FAAP20: variants seen among roughly 807,000 people sequenced by gnomAD.
The protein encoded by FAAP20 is Fanconi anemia core complex-associated protein 20.
In FAAP20, 12 loss-of-function variants were observed where a neutral mutation model predicts 16.2. The ratio of observed to expected loss-of-function variants is 0.74; its 90% CI spans 0.48 to 1.20. FAAP20 has a LOEUF of 1.20. Ranked by LOEUF, FAAP20 falls within the 50% of genes most tolerant of loss-of-function variation. The pLI, the probability that FAAP20 is intolerant of heterozygous loss-of-function variation, is 0.00. For synonymous variants in FAAP20, 141 were observed against 110.7 expected (o/e 1.27, Z -1.72); for missense variants, 288 against 245.8 (o/e 1.17, Z -1.15).
downstream of FAAP20, chr1:2,187,303 CT>C (rs1025009836): frequency 1.1e-3 from 358 of 339,982 alleles, no homozygotes; most frequent in Middle Eastern, 1.7e-3. Context: ...TTTTCTTTTT[CT>C]TTTTTTTTTC....
upstream of FAAP20, chr1:2,203,563 C>T (rs942947102): frequency 3.7e-5 from 36 of 986,120 alleles, no homozygotes; most frequent in Middle Eastern, 5.2e-4. Context: ...GTGCCCCTCA[C>T]CTGGGGTGGA....
At chr1:2,192,054 A>G (rs1224051645) in intron 3 of FAAP20, 2 of 985,432 alleles carry the variant, frequency 2.0e-6, no homozygotes, top group Non-Finnish European at 2.4e-6. Flanking sequence ...CGCCTCTGCC[A>G]GGGCTCCAGG....
At chr1:2,203,629 G>A, upstream of FAAP20, 1 of 986,098 alleles carries the variant, frequency 1.0e-6, no homozygotes, top group Non-Finnish European at 1.2e-6. Flanking sequence ...TGCGTCTGGG[G>A]CCTGAGCGGA....
At chr1:2,184,557 G>A (rs751681990), downstream of FAAP20, 7 of 1,595,286 alleles carry the variant, frequency 4.4e-6, no homozygotes, top group South Asian at 6.7e-5. Context: ...GCGCGGAGCT[G>A]ACCCTTCTCC....
chr1:2,199,761 A>T (rs560177183), upstream of FAAP20: 24 of 465,452 alleles, frequency 5.2e-5, no homozygotes, highest in Admixed American at 1.9e-4. The surrounding 1 kb of genome is among the most constrained non-coding windows in gnomAD (Gnocchi z 4.5). Flanking sequence ...CCCTGAATGC[A>T]GTGTGAGCAG....
downstream of FAAP20, chr1:2,185,978 C>T (rs775072460): frequency 5.6e-6 from 2 of 358,290 alleles, no homozygotes; most frequent in South Asian, 4.2e-5. Flanking sequence ...CTCCCGGGAA[C>T]ACACCCGCGC....
chr1:2,185,245 G>A (rs1263476835), downstream of FAAP20: 24 of 711,702 alleles, frequency 3.4e-5, no homozygotes, highest in South Asian at 5.9e-5. Context: ...CCTGCGTCGC[G>A]GCGGATCCGC....
upstream of FAAP20, among the ~76,000 whole-genome samples, chr1:2,195,700 G>A (rs760145867): frequency 2.6e-5 from 4 of 152,196 alleles, no homozygotes; most frequent in African/African-American, 7.2e-5. Flanking sequence ...TGTGGAGCCC[G>A]GCCCTGAACC....
intron 3 of FAAP20, chr1:2,190,047 C>T (rs1351229446): frequency 3.3e-6 from 2 of 602,524 alleles, no homozygotes; most frequent in African/African-American, 3.6e-5. Context: ...CAACAAGCCT[C>T]TCTATGGGAT....
chr1:2,196,540 CAA>C (rs1203182062), upstream of FAAP20, among the ~76,000 whole-genome samples: 42 of 127,980 alleles, frequency 3.3e-4, no homozygotes, highest in African/African-American at 5.4e-4. This position sits in a 1 kb window ranked among gnomAD's most constrained non-coding sequence, Gnocchi z 4.5. Context: ...GACCCCAACT[CAA>C]AAAAAAAAAA....
At chr1:2,199,552 GT>G, upstream of FAAP20, 4 of 985,944 alleles carry the variant, frequency 4.1e-6, no homozygotes, top group Non-Finnish European at 4.8e-6. This position sits in a 1 kb window ranked among gnomAD's most constrained non-coding sequence, Gnocchi z 4.5. Context: ...CAAGGAGCCG[GT>G]CAGGGAGTGG....
chr1:2,189,964 G>A (rs568022111), intron 3 of FAAP20, 183 bp from the exon 4 acceptor site: 16 of 638,722 alleles, frequency 2.5e-5, no homozygotes, highest in South Asian at 2.4e-4. Flanking sequence ...CGCCAGTGGT[G>A]TTTCCACACC....
At chr1:2,198,779 C>G (rs1688924209), upstream of FAAP20, 2 of 1,289,076 alleles carry the variant, frequency 1.6e-6, no homozygotes, top group Non-Finnish European at 2.0e-6. Context: ...GCCAAAAGGC[C>G]CGGGCAGCCT....
intron 3 of FAAP20, among the ~76,000 whole-genome samples, chr1:2,205,084 TCCCCCACGCCCCGC>T (rs1689198104): frequency 1.5e-4 from 1 of 6,814 alleles, no homozygotes; most frequent in African/African-American, 6.5e-4. Flanking sequence ...TCCCCCGGGC[TCCCCCACGCCCCGC>T]CCCTCAAGCC....
At chr1:2,207,216 G>C (rs1018568697), downstream of FAAP20, among the ~76,000 whole-genome samples, 1 of 152,210 alleles carries the variant, frequency 6.6e-6, no homozygotes, top group African/African-American at 2.4e-5. Flanking sequence ...GGGTCCTGGT[G>C]GGGGCAGAGC....
chr1:2,184,712 G>C (rs770608199), downstream of FAAP20: 5 of 1,607,902 alleles, frequency 3.1e-6, no homozygotes, highest in Admixed American at 8.4e-5. Context: ...AGTCCCACTG[G>C]GTGCGGGTCC....
upstream of FAAP20, among the ~76,000 whole-genome samples, chr1:2,197,301 G>A (rs936633491): frequency 6.6e-6 from 1 of 152,198 alleles, no homozygotes; most frequent in Admixed American, 6.5e-5. Flanking sequence ...AGCCCCTCCC[G>A]GCTCCCCCAT....
downstream of FAAP20, among the ~76,000 whole-genome samples, chr1:2,210,109 G>A (rs563845298): frequency 6.6e-6 from 1 of 152,326 alleles, no homozygotes; most frequent in South Asian, 2.1e-4. Flanking sequence ...CACCTTGTCT[G>A]TGACAGGGTC....
rs1318498066 is a variant in FAAP20, at chr1:2,194,587, C to A, written c.62+101G>T. The A allele has an allele frequency of 5.9e-5, 33 of 563,790 alleles. No individual in the cohort carries two copies. The African/African-American group carries it at 6.3e-4, about 11-fold the overall frequency. The allele number at this position is 563,790 out of a possible 1,614,324, so 34.9% of individuals were successfully genotyped here. On this transcript the variant is annotated intron_variant, in intron 1 of 3. Transcript: ENST00000378546. ...GGGGGCCGGGCCCGGGGGCAGGGAG[C>A]CCTCCCCAGGGGGAGAATAGAGCGG...
Sources: gnomAD v4.1 joint callset for allele counts (sites outside exome capture counted in the v4.1 genomes callset) on GRCh38, gnomAD v4.1.1 for gene constraint, Gnocchi (gnomAD v3.1) non-coding constraint, MANE v1.5 for transcripts, NCBI Gene and HGNC (gene_info 2026-07-23, HGNC 2026-07-21) for gene names.